The following LDLRAD4 variants were observed in gnomAD, a reference collection of about 807,000 sequenced individuals.
LDLRAD4 encodes the protein low-density lipoprotein receptor class A domain-containing protein 4.
In LDLRAD4, 5 loss-of-function variants were observed where a neutral mutation model predicts 17.0. That is an observed-to-expected ratio of 0.29 (90% CI 0.15 to 0.62). LDLRAD4 has a LOEUF of 0.62. LDLRAD4 is among the 20% of genes least tolerant of loss of function. The pLI is 0.84. For synonymous variants in LDLRAD4, 168 were observed against 171.8 expected (o/e 0.98, Z 0.17); for missense variants, 340 against 424.7 (o/e 0.80, Z 1.75).
chr18:13,407,909 G>C (rs1346173498), intron 2 of LDLRAD4, among the ~76,000 whole-genome samples: 2 of 152,160 alleles, frequency 1.3e-5, no homozygotes, highest in African/African-American at 4.8e-5. Context: ...ACCATAATTA[G>C]TCAGTTTGAC....
At chr18:13,384,371 G>A (rs2085628061) in intron 1 of LDLRAD4, among the ~76,000 whole-genome samples, 1 of 152,184 alleles carries the variant, frequency 6.6e-6, no homozygotes, top group African/African-American at 2.4e-5. Context: ...CAATTCAAAT[G>A]AATTAATATA....
intron 1 of LDLRAD4, among the ~76,000 whole-genome samples, chr18:13,368,443 GT>G (rs1568059053): frequency 6.6e-6 from 1 of 152,140 alleles, no homozygotes; most frequent in Non-Finnish European, 1.5e-5. Flanking sequence ...GGGAGCTGCA[GT>G]TATGCACAGC....
chr18:13,572,272 A>C (rs57390956), intron 3 of LDLRAD4, among the ~76,000 whole-genome samples: 1,857 of 152,322 alleles, frequency 0.012, 37 homozygotes, highest in African/African-American at 0.042. Context: ...GTTTTCAAGT[A>C]ACAAAAGAAA....
exon 6 of LDLRAD4, chr18:13,650,533 T>C (rs2043203058): frequency 2.3e-5 from 9 of 396,860 alleles, no homozygotes; most frequent in Non-Finnish European, 3.5e-5. Flanking sequence ...TCAGCAGATA[T>C]AGGAACCAAG....
At chr18:13,587,318 A>G (rs561986279) in intron 3 of LDLRAD4, among the ~76,000 whole-genome samples, 66 of 152,334 alleles carry the variant, frequency 4.3e-4, no homozygotes, top group Non-Finnish European at 8.1e-4. Flanking sequence ...CATGTTAGAC[A>G]GTCTCACTCT....
At chr18:13,566,011 C>T (rs1156790433) in intron 3 of LDLRAD4, among the ~76,000 whole-genome samples, 3 of 152,236 alleles carry the variant, frequency 2.0e-5, no homozygotes, top group Non-Finnish European at 4.4e-5. Flanking sequence ...AAGCCTGGGC[C>T]ATGAATTTTC....
chr18:13,463,400 C>G (rs1401283135), intron 3 of LDLRAD4, among the ~76,000 whole-genome samples: 1 of 152,246 alleles, frequency 6.6e-6, no homozygotes, highest in Non-Finnish European at 1.5e-5. Context: ...GGGCACCTGC[C>G]TGACGAAGGG....
intron 1 of LDLRAD4, among the ~76,000 whole-genome samples, chr18:13,290,077 C>G (rs2045878151): frequency 6.6e-6 from 1 of 152,204 alleles, no homozygotes; most frequent in African/African-American, 2.4e-5. Context: ...CCTCAGTCCT[C>G]CCATCTGAGC....
At chr18:13,505,701 G>A (rs2116222) in intron 3 of LDLRAD4, among the ~76,000 whole-genome samples, 6 of 151,594 alleles carry the variant, frequency 4.0e-5, no homozygotes, top group East Asian at 1.9e-4. Flanking sequence ...ACCTGTAGTC[G>A]CAGCTACTCG....
At chr18:13,364,848 A>G (rs1189229446) in intron 1 of LDLRAD4, among the ~76,000 whole-genome samples, 36 of 152,190 alleles carry the variant, frequency 2.4e-4, no homozygotes, top group Non-Finnish European at 2.9e-5. Context: ...CAGGCAGGAA[A>G]GGTTCAGCTC....
intron 3 of LDLRAD4, among the ~76,000 whole-genome samples, chr18:13,445,622 CGTGTGTGTGT>C (rs202132115): frequency 6.8e-6 from 1 of 147,956 alleles, no homozygotes; most frequent in Non-Finnish European, 1.5e-5. Flanking sequence ...AGTGTGTGTG[CGTGTGTGTGT>C]GAGAGAGTCT....
At chr18:13,638,557 C>T (rs1326006491) in intron 4 of LDLRAD4, among the ~76,000 whole-genome samples, 1 of 152,132 alleles carries the variant, frequency 6.6e-6, no homozygotes, top group Non-Finnish European at 1.5e-5. Flanking sequence ...CCTGTGTGCC[C>T]CCAGAGCAGG....
At chr18:13,539,805 ATTC>A (rs561677120) in intron 3 of LDLRAD4, among the ~76,000 whole-genome samples, 175 of 152,332 alleles carry the variant, frequency 1.1e-3, no homozygotes, top group African/African-American at 4.1e-3. Flanking sequence ...TCTAATTATA[ATTC>A]TTCTTTCAAA....
At position 13,256,897 on chromosome 18, in the gene LDLRAD4, G is replaced by A. The variant is rs1046154515; in HGVS notation, c.-466-21208G>A. On this transcript the variant is annotated intron_variant, in intron 1 of 5. Transcript: ENST00000399848. ...TGTTGGAACGAAGTTGCCATTTGGC[G>A]GAATTTGGTGCACTTACTTGGAAAA... Among the ~76,000 whole-genome samples, 40 of 150,624 alleles carry A rather than the reference G, an allele frequency of 2.7e-4. No individual in the cohort carries two copies. In the East Asian group the frequency reaches 2.9e-3, roughly 11 times the overall value.
At chr18:13,290,072 G>A (rs946582045) in intron 1 of LDLRAD4, among the ~76,000 whole-genome samples, 1 of 152,234 alleles carries the variant, frequency 6.6e-6, no homozygotes, top group Non-Finnish European at 1.5e-5. Flanking sequence ...GGAGACCTCA[G>A]TCCTCCCATC....
chr18:13,604,210 A>G (rs1366528439), intron 3 of LDLRAD4, among the ~76,000 whole-genome samples: 2 of 152,232 alleles, frequency 1.3e-5, no homozygotes, highest in Non-Finnish European at 2.9e-5. Flanking sequence ...ACTTTTGAAG[A>G]AATGAATGAT....
rs980194423 is a variant in LDLRAD4, at chr18:13,313,389, A to G, written c.-383+35201A>G. The stretch of plus-strand genomic sequence containing the variant: ...ACAGCCCACTCACACAGAGCACACT[A>G]AGTTTTCCCATACCTTGGCTGTGTA... On this transcript the variant is annotated intron_variant, in intron 1 of 5. Transcript: ENST00000359446. 2.6e-5 allele frequency among the ~76,000 whole-genome samples: 4 copies of G among 152,298 alleles called. No homozygotes were observed. In the South Asian group the frequency reaches 8.3e-4, roughly 32 times the overall value.
intron 3 of LDLRAD4, among the ~76,000 whole-genome samples, chr18:13,583,390 A>G (rs901508339): frequency 2.6e-5 from 4 of 152,100 alleles, no homozygotes; most frequent in Non-Finnish European, 5.9e-5. Flanking sequence ...GTGTGTGGTG[A>G]CTGACTTTTG....
chr18:13,271,856 C>T (rs75907334), intron 1 of LDLRAD4, among the ~76,000 whole-genome samples: 4,956 of 150,018 alleles, frequency 0.033, 271 homozygotes, highest in African/African-American at 0.11. Context: ...GGACTGCTCC[C>T]AGCAAGTCAG....
Sources: gnomAD v4.1 joint callset for allele counts (sites outside exome capture counted in the v4.1 genomes callset) on GRCh38, gnomAD v4.1.1 for gene constraint, MANE v1.5 for transcripts, NCBI Gene and HGNC (gene_info 2026-07-23, HGNC 2026-07-21) for gene names.